NDUFB6: variants seen among roughly 807,000 people sequenced by gnomAD.
The protein encoded by NDUFB6 is NADH dehydrogenase [ubiquinone] 1 beta subcomplex subunit 6.
In NDUFB6, 23 loss-of-function variants were observed where a neutral mutation model predicts 17.5. That is an observed-to-expected ratio of 1.31 (90% confidence interval 0.94 to 1.86). The LOEUF (loss-of-function observed/expected upper bound fraction) is 1.86. Among genes scored for constraint, NDUFB6 ranks in the 40% most tolerant of loss-of-function variants. NDUFB6 has a pLI of 0.00. For synonymous variants in NDUFB6, 60 were observed against 53.5 expected (o/e 1.12, Z -0.53); for missense variants, 167 against 153.8 (o/e 1.09, Z -0.46).
In NDUFB6 at chr9:32,558,967, T is replaced by A; in HGVS notation, c.274-13A>T. ...CATATGGTTTTTCCTGTAATAAAAG[T>A]TAACTCTGTGTTAATTATGGTGTTA... On this transcript the variant is annotated splice_polypyrimidine_tract_variant and intron_variant, in intron 2 of 3. Transcript: ENST00000379847. The A allele has an allele frequency of 6.4e-7, 1 of 1,565,734 alleles. No individual in the cohort carries two copies. Among genetic ancestry groups the A allele is most frequent in the African/African-American group, 1.3e-5 (1 of 74,092 alleles).
At chr9:32,559,223 T>C (rs1421910755) in intron 2 of NDUFB6, among the ~76,000 whole-genome samples, 2 of 152,176 alleles carry the variant, frequency 1.3e-5, no homozygotes, top group Admixed American at 1.3e-4. Context: ...CCCCCAGTTA[T>C]GAAAGACAGA....
Position 32,553,604 on chromosome 9 carries a change from AAAAC to A in NDUFB6, c.*268_*271del, listed in dbSNP as rs1212948660. 191 of 386,176 alleles carry A rather than the reference AAAAC, an allele frequency of 4.9e-4. No individual in the cohort carries two copies. The highest frequency in any genetic ancestry group is 7.8e-4 in the Non-Finnish European group (165 of 211,192). The allele number at this position is 386,176 out of a possible 1,614,324, so 23.9% of individuals were successfully genotyped here. ...ATTAGTGTAAGTACTGTGTAAGAAAAAAACAAACAAACATGTAACTAAATACTTT... is the reference window on the plus strand; with the variant it reads ...ATTAGTGTAAGTACTGTGTAAGAAAAAAACAAACATGTAACTAAATACTTT... On this transcript the variant is annotated 3_prime_UTR_variant, in exon 4 of 4. Coordinates refer to ENST00000379847, the MANE Select transcript of NDUFB6 (RefSeq NM_002493.5).
chr9:32,558,991 T>C (rs1821553799), intron 2 of NDUFB6, 37 bp from the exon 3 acceptor site: 3 of 1,450,576 alleles, frequency 2.1e-6, no homozygotes, highest in African/African-American at 1.4e-5. Context: ...ATTATGGTGT[T>C]AAGAGTTTCT....
At chr9:32,561,374 G>A (rs1201641575) in intron 2 of NDUFB6, among the ~76,000 whole-genome samples, 1 of 151,156 alleles carries the variant, frequency 6.6e-6, no homozygotes, top group African/African-American at 2.4e-5. Flanking sequence ...CGCTCAGGCT[G>A]GAGAGTGCGG....
In NDUFB6 at chr9:32,553,727, C is replaced by T. The variant is rs1309590208; in HGVS notation, c.*149G>A. 5.1e-6 allele frequency: 3 copies of T among 587,488 alleles called. No individual in the cohort carries two copies. Among genetic ancestry groups the T allele is most frequent in the African/African-American group, 1.9e-5 (1 of 52,354 alleles). 36.4% of individuals were successfully genotyped at this position (587,488 alleles called of 1,614,324 possible). A position where few individuals can be genotyped will look rare whatever the true frequency, so the allele number is the denominator to read the frequency against. ...CCACTTTTTACTTATTGTTAAATTA[C>T]TCAGTCTCAAATTGTACAATGCTTG... is the stretch of plus-strand genomic sequence containing the variant. On this transcript the variant is annotated 3_prime_UTR_variant, in exon 4 of 4. Coordinates refer to ENST00000379847, the MANE Select transcript of NDUFB6 (RefSeq NM_002493.5).
At chr9:32,560,342 T>A (rs1358931890) in intron 2 of NDUFB6, among the ~76,000 whole-genome samples, 1 of 152,242 alleles carries the variant, frequency 6.6e-6, no homozygotes, top group East Asian at 1.9e-4. Flanking sequence ...TATTAAATTG[T>A]CAACCTAGTG....
At chr9:32,561,369 A>G (rs922427646) in intron 2 of NDUFB6, among the ~76,000 whole-genome samples, 2 of 151,472 alleles carry the variant, frequency 1.3e-5, no homozygotes, top group African/African-American at 2.4e-5. Flanking sequence ...TATATCGCTC[A>G]GGCTGGAGAG....
intron 2 of NDUFB6, among the ~76,000 whole-genome samples, chr9:32,560,870 T>A (rs993108719): frequency 3.3e-5 from 5 of 152,152 alleles, no homozygotes; most frequent in African/African-American, 4.8e-5. Context: ...AGGAAAAAAA[T>A]ATGTTTTTAT....
chr9:32,566,722 A>T (rs759382917), intron 2 of NDUFB6: 19 of 871,654 alleles, frequency 2.2e-5, no homozygotes, highest in Admixed American at 5.1e-5. Context: ...CAAAATCGGG[A>T]CTCCAAGCCT....
intron 2 of NDUFB6, among the ~76,000 whole-genome samples, chr9:32,561,768 A>G (rs936238486): frequency 1.3e-5 from 2 of 152,148 alleles, no homozygotes; most frequent in African/African-American, 4.8e-5. Context: ...CACCAACTTC[A>G]GGTGTTTCTT....
In NDUFB6 at chr9:32,558,117, A is replaced by ATTTTTTTT. The variant is rs74178816; in HGVS notation, c.318+785_318+792dup. Among the ~76,000 whole-genome samples the ATTTTTTTT allele has an allele frequency of 1.5e-3, 201 of 135,238 alleles. 11 individuals are homozygous for ATTTTTTTT. In the East Asian group the frequency reaches 0.015, roughly 10 times the overall value. 88.7% of individuals were successfully genotyped at this position (135,238 alleles called of 152,430 possible). ...TATAGCTCACACATTCATAGTATAC[A>ATTTTTTTT]TTTTTTTTTTTTGAGACGGAGTCTC... On this transcript the variant is annotated intron_variant, in intron 3 of 3. Coordinates refer to ENST00000379847, the MANE Select transcript of NDUFB6 (RefSeq NM_002493.5).
chr9:32,567,681 A>G (rs540819961), intron 2 of NDUFB6: 15 of 343,594 alleles, frequency 4.4e-5, no homozygotes, highest in African/African-American at 3.2e-4. Flanking sequence ...GCACTCAGTG[A>G]TTTTTGATGT....
intron 2 of NDUFB6, chr9:32,566,462 C>T (rs778503593): frequency 2.8e-5 from 23 of 808,576 alleles, no homozygotes; most frequent in Non-Finnish European, 4.3e-5. Flanking sequence ...GACAAGCAGC[C>T]GTCCATGTCG....
At chr9:32,564,963 T>C (rs566646660) in intron 2 of NDUFB6, among the ~76,000 whole-genome samples, 10 of 152,314 alleles carry the variant, frequency 6.6e-5, no homozygotes, top group South Asian at 2.1e-4. Flanking sequence ...GCCCTATTCA[T>C]AGACATTGGG....
rs769664114 is a variant in NDUFB6 at position 32,553,853 on chromosome 9, C to T, written c.*23G>A. On this transcript the variant is annotated 3_prime_UTR_variant, in exon 4 of 4. Transcript: ENST00000379847. ...ATAGGAACAAACTTAGGCTCATAAG[C>T]CTTTTAACTTTTTACATAATCTTTA... 3 of 1,480,696 alleles carry T rather than the reference C, an allele frequency of 2.0e-6. No homozygotes were observed. The highest frequency in any genetic ancestry group is 1.2e-5 in the South Asian group (1 of 86,944). 91.7% of individuals were successfully genotyped at this position (1,480,696 alleles called of 1,614,324 possible). A position where few individuals can be genotyped will look rare whatever the true frequency, so the allele number is the denominator to read the frequency against.
At chr9:32,558,732 C>T (rs747931838) in intron 3 of NDUFB6, among the ~76,000 whole-genome samples, 178 bp downstream of exon 3, 7 of 151,570 alleles carry the variant, frequency 4.6e-5, no homozygotes, top group Non-Finnish European at 7.3e-5. Context: ...TGTTACCTCA[C>T]GGTATTTCTT....
chr9:32,553,154 G>T lies in NDUFB6; in HGVS notation c.*722C>A. 1 of 397,980 alleles carries T rather than the reference G, an allele frequency of 2.5e-6. No homozygotes were observed. Among genetic ancestry groups the T allele is most frequent in the Admixed American group, 4.2e-5 (1 of 23,980 alleles). The allele number at this position is 397,980 out of a possible 1,614,324, so 24.7% of individuals were successfully genotyped here. Reference sequence around the variant, plus strand: ...GAGTGTCAGATCATAGTTGGAATAAGCTTTTCAATCAAGTTTCTAAATTCT... The same window carrying T: ...GAGTGTCAGATCATAGTTGGAATAATCTTTTCAATCAAGTTTCTAAATTCT... On this transcript the variant is annotated 3_prime_UTR_variant, in exon 4 of 4. Coordinates refer to ENST00000379847, the MANE Select transcript of NDUFB6 (RefSeq NM_002493.5).
chr9:32,569,018 G>C (rs1821883507), intron 2 of NDUFB6, among the ~76,000 whole-genome samples: 1 of 151,688 alleles, frequency 6.6e-6, no homozygotes, highest in Admixed American at 6.6e-5. Context: ...CAAAGTGGTA[G>C]GATTACAGGC....
intron 2 of NDUFB6, chr9:32,568,680 A>G (rs1405758022): frequency 6.1e-6 from 1 of 162,712 alleles, no homozygotes; most frequent in East Asian, 1.9e-4. Context: ...ATATACTTAT[A>G]TATGTATATA....
Sources: gnomAD v4.1 joint callset for allele counts (sites outside exome capture counted in the v4.1 genomes callset) on GRCh38, gnomAD v4.1.1 for gene constraint, MANE v1.5 for transcripts, NCBI Gene and HGNC (gene_info 2026-07-23, HGNC 2026-07-21) for gene names.